ARHGAP9: variants seen among roughly 807,000 people sequenced by gnomAD.
ARHGAP9 encodes the protein rho GTPase-activating protein 9.
In ARHGAP9, 76 loss-of-function variants were observed where a neutral mutation model predicts 87.3. The observed-to-expected ratio is 0.87, with a 90% CI of 0.72 to 1.05. The LOEUF is 1.05. Among genes scored for constraint, ARHGAP9 ranks in the 50% least tolerant of loss-of-function variants. The pLI is 0.00. For missense variants in ARHGAP9, 941 were observed against 960.5 expected (o/e 0.98, Z 0.27); for synonymous variants, 382 against 394.9 (o/e 0.97, Z 0.39).
chr12:57,487,043 C>A (rs368506799), intron 1 of ARHGAP9, among the ~76,000 whole-genome samples: 5 of 151,716 alleles, frequency 3.3e-5, no homozygotes, highest in African/African-American at 1.2e-4. Flanking sequence ...ATGGCGCGGT[C>A]TCGGCTCACT....
intron 8 of ARHGAP9, 96 bp from the exon 9 acceptor site, chr12:57,476,262 T>C (rs1233659081): frequency 1.3e-6 from 2 of 1,504,274 alleles, no homozygotes; most frequent in African/African-American, 2.8e-5. Flanking sequence ...CTTCCTCACT[T>C]CTTTACTTTC....
rs145403284 is a variant in ARHGAP9 at position 57,476,893 on chromosome 12, G to T, written c.941C>A (p.Pro314Gln). ...PPALQAPRPL[P>Q]QLLDDPHEVE... ...CACATGGGGGTCGTCCAGGAGCTGC[G>T]GCAGAGGTCGAGGGGCCTGCAAGGC... The change falls in exon 6 of 18, where the codon CCG (proline) becomes CAG (glutamine). Residue 314 changes from proline to glutamine, a missense_variant. Coordinates refer to ENST00000393791, the MANE Select transcript of ARHGAP9 (RefSeq NM_032496.4). 2.5e-6 allele frequency: 4 copies of T among 1,613,954 alleles called. No homozygotes were observed. The highest frequency in any genetic ancestry group is 1.1e-5 in the South Asian group (1 of 91,070).
chr12:57,476,349 C>T lies in ARHGAP9; in HGVS notation c.1116+15G>A, dbSNP rs1376421672. 1 of 1,612,858 alleles carries T rather than the reference C, an allele frequency of 6.2e-7. No homozygotes were observed. Among genetic ancestry groups the T allele is most frequent in the African/African-American group, 1.3e-5 (1 of 75,008 alleles). ...CAGCGCCCGCACCCATCCTGCGCCT[C>T]TCGCTCACACTCACCCAGCCTGAGG... On this transcript the variant is annotated intron_variant, in intron 8 of 17. Coordinates refer to ENST00000393791, the MANE Select transcript of ARHGAP9 (RefSeq NM_032496.4).
intron 3 of ARHGAP9, 74 bp downstream of exon 3, chr12:57,478,466 G>T: frequency 7.0e-7 from 1 of 1,428,444 alleles, no homozygotes. Context: ...ATCCCCAGGG[G>T]AGTCCCCTGA....
In ARHGAP9 at chr12:57,478,574, T is replaced by C. The variant is rs1163778712; in HGVS notation, c.500A>G (p.Gln167Arg). ...QEGPSGRSLS[Q>R]EDLPSEASAS... The stretch of plus-strand genomic sequence containing the variant: ...ACTGGCTTCTGACGGCAAGTCTTCC[T>C]GGGAGAGGGATCTTCCGCTTGGTCC... Residue 167 changes from glutamine (Q) to arginine (R), a missense_variant, in exon 3 of 18, where the codon CAG (glutamine) becomes CGG (arginine). Physicochemically the swap from Gln to Arg is conservative, Grantham distance 43. Transcript: ENST00000393791. The C allele has an allele frequency of 6.2e-7, 1 of 1,613,984 alleles. No individual in the cohort carries two copies. The highest frequency in any genetic ancestry group is 8.5e-7 in the Non-Finnish European group (1 of 1,180,024).
chr12:57,488,333 A>G (rs563527011), intron 1 of ARHGAP9: 4 of 827,840 alleles, frequency 4.8e-6, no homozygotes, highest in African/African-American at 3.4e-5. Context: ...ATTATCCTTG[A>G]TCACTCCACG....
intron 12 of ARHGAP9, 116 bp downstream of exon 12, chr12:57,475,175 C>A: frequency 8.2e-7 from 1 of 1,226,652 alleles, no homozygotes; most frequent in Middle Eastern, 2.0e-4. Flanking sequence ...CTCCCCTAAA[C>A]AATCTGGGGT....
Position 57,474,451 on chromosome 12 carries a change from C to T in ARHGAP9, c.1755G>A (p.Arg585=), listed in dbSNP as rs569758569. The T allele has an allele frequency of 4.3e-6, 7 of 1,614,168 alleles. No homozygotes were observed. The highest frequency in any genetic ancestry group is 4.0e-5 in the African/African-American group (3 of 75,028). ...GTCCTGGCTGTTCTGGGAACACATACCTCCCATCGGAGGTGACCGCACGCT... is the reference window on the plus strand; with the variant it reads ...GTCCTGGCTGTTCTGGGAACACATATCTCCCATCGGAGGTGACCGCACGCT... ...DRERAVTSDG[R]YVFPEQPGQE... Residue 585 remains arginine (R), a synonymous_variant, in exon 15 of 18, where the codon AGG becomes AGA. Transcript: ENST00000393791.
At chr12:57,474,363 C>T (rs199509913) in intron 15 of ARHGAP9, 60 bp downstream of exon 15, 239 of 1,604,996 alleles carry the variant, frequency 1.5e-4, no homozygotes, top group Admixed American at 3.5e-4. Flanking sequence ...GGGGTTTCCA[C>T]GGGAAGCAAA....
rs776390646 is a variant in ARHGAP9 at position 57,474,695 on chromosome 12, C to A, written c.1660G>T (p.Val554Leu). 2.5e-6 allele frequency: 4 copies of A among 1,614,198 alleles called. No homozygotes were observed. In the Admixed American group the frequency reaches 6.7e-5, roughly 27 times the overall value. The change falls in exon 14 of 18, where the codon GTG becomes TTG. Residue 554 changes from valine to leucine, a missense_variant. Val to Leu is a conservative substitution (Grantham distance 32). Coordinates refer to ENST00000393791, the MANE Select transcript of ARHGAP9 (RefSeq NM_032496.4). ...IAAVDKRGLD[V>L]DGIYRVSGNL... ...CCGCTCACCCGATAAATGCCATCCACATCTAGACCTGGGAGATGAGGAAGG... is the reference window on the plus strand; with the variant it reads ...CCGCTCACCCGATAAATGCCATCCAAATCTAGACCTGGGAGATGAGGAAGG...
At chr12:57,476,558 G>T in intron 7 of ARHGAP9, 32 bp downstream of exon 7, 1 of 1,613,976 alleles carries the variant, frequency 6.2e-7, no homozygotes, top group Non-Finnish European at 8.5e-7. Context: ...GGAGTTGACA[G>T]CCCAGGCCCT....
At chr12:57,478,463 G>C in intron 3 of ARHGAP9, 77 bp downstream of exon 3, 1 of 1,422,864 alleles carries the variant, frequency 7.0e-7, no homozygotes, top group African/African-American at 1.4e-5. Context: ...GTCATCCCCA[G>C]GGGAGTCCCC....
In ARHGAP9 at chr12:57,473,587, G is replaced by A. The variant is rs778397832; in HGVS notation, c.2024+16C>T. ...ACCTTTCCCCAGCATGAACAAAGAG[G>A]TTCTGTCTTCCTGACCTGCATAAAT... On this transcript the variant is annotated intron_variant, in intron 17 of 17. Transcript: ENST00000393791. 7.5e-6 allele frequency: 12 copies of A among 1,603,642 alleles called. No individual in the cohort carries two copies. The highest frequency in any genetic ancestry group is 1.6e-4 in the Middle Eastern group (1 of 6,066).
intron 3 of ARHGAP9, 82 bp downstream of exon 3, chr12:57,478,458 C>A (rs1874525727): frequency 1.4e-6 from 2 of 1,382,340 alleles, no homozygotes; most frequent in East Asian, 2.3e-5. Context: ...TGTTTGTCAT[C>A]CCCAGGGGAG....
At chr12:57,488,604 C>G in intron 1 of ARHGAP9, 1 of 1,551,084 alleles carries the variant, frequency 6.4e-7, no homozygotes, top group Non-Finnish European at 8.7e-7. Flanking sequence ...ACGTTCCTTT[C>G]TGTTTACCTC....
upstream of ARHGAP9, among the ~76,000 whole-genome samples, chr12:57,484,626 G>T (rs773605590): frequency 1.3e-5 from 2 of 151,986 alleles, no homozygotes; most frequent in African/African-American, 4.8e-5. Context: ...GTAAAATGGC[G>T]ATGAGAGACC....
chr12:57,477,332 C>A, intron 4 of ARHGAP9, 63 bp from the exon 5 acceptor site: 2 of 1,512,018 alleles, frequency 1.3e-6, no homozygotes, highest in Non-Finnish European at 1.8e-6. Flanking sequence ...CTCTCCACAC[C>A]CTTCTTATAC....
chr12:57,486,012 C>G (rs886514764), intron 1 of ARHGAP9, among the ~76,000 whole-genome samples: 12 of 152,128 alleles, frequency 7.9e-5, no homozygotes, highest in Non-Finnish European at 1.8e-4. Context: ...CAGCTCAAAG[C>G]TACCAGTGTG....
chr12:57,487,165 C>CG (rs1875483532), intron 1 of ARHGAP9: 1 of 151,526 alleles, frequency 6.6e-6, no homozygotes, highest in Non-Finnish European at 1.5e-5. Context: ...TTAGTAGAGA[C>CG]GGGGTTTCAG....
Sources: allele counts gnomAD v4.1 joint callset (sites outside exome capture counted in the v4.1 genomes callset), GRCh38; gene constraint gnomAD v4.1.1; transcripts MANE v1.5; gene names NCBI Gene and HGNC (gene_info 2026-07-23, HGNC 2026-07-21).